Variants in GC observed in about 807,000 individuals in gnomAD.
The protein encoded by GC is GC vitamin D binding protein, also known as vitamin D-binding protein.
GC carries 43 observed loss-of-function variants against 56.7 expected under a neutral mutation model. The ratio of observed to expected loss-of-function variants is 0.76; its 90% CI spans 0.59 to 0.98. The LOEUF (loss-of-function observed/expected upper bound fraction) is 0.98. Among genes scored for constraint, GC ranks in the 50% least tolerant of loss-of-function variants. GC has a pLI of 0.00. For missense variants in GC, 529 were observed against 545.9 expected (o/e 0.97, Z 0.31); for synonymous variants, 216 against 202.7 (o/e 1.07, Z -0.56).
At chr4:71,743,484 G>A (rs753864874) in intron 12 of GC, among the ~76,000 whole-genome samples, 19 of 152,118 alleles carry the variant, frequency 1.2e-4, no homozygotes, top group African/African-American at 4.1e-4. Flanking sequence ...AAATCATTAC[G>A]TTAAGACCTG....
intron 6 of GC, among the ~76,000 whole-genome samples, chr4:71,762,104 A>T (rs1741999311): frequency 6.6e-6 from 1 of 152,192 alleles, no homozygotes; most frequent in Non-Finnish European, 1.5e-5. Flanking sequence ...GCTCAATGAC[A>T]GCCTTTGAAA....
chr4:71,760,005 A>G (rs1030995169), intron 6 of GC, among the ~76,000 whole-genome samples: 1 of 152,016 alleles, frequency 6.6e-6, no homozygotes, highest in Non-Finnish European at 1.5e-5. Context: ...TGAGTATTCA[A>G]GTAGTTCTGA....
intron 2 of GC, among the ~76,000 whole-genome samples, chr4:71,769,064 T>C (rs751864322): frequency 2.6e-5 from 4 of 152,212 alleles, no homozygotes; most frequent in Non-Finnish European, 4.4e-5. Flanking sequence ...TTAATGACCT[T>C]AGAAAGCTAT....
intron 5 of GC, 62 bp downstream of exon 5, chr4:71,763,742 T>C: frequency 7.2e-7 from 1 of 1,390,336 alleles, no homozygotes; most frequent in Non-Finnish European, 9.9e-7. Context: ...TCTACCATTA[T>C]CTAAAAGGAA....
At chr4:71,801,493 C>T (rs1288365789) in intron 1 of GC, among the ~76,000 whole-genome samples, 1 of 152,072 alleles carries the variant, frequency 6.6e-6, no homozygotes, top group Non-Finnish European at 1.5e-5. Context: ...GAGGTCAGGA[C>T]ATTTTTGACA....
At chr4:71,766,013 G>A (rs1474910717) in intron 3 of GC, among the ~76,000 whole-genome samples, 4 of 152,292 alleles carry the variant, frequency 2.6e-5, no homozygotes, top group South Asian at 2.1e-4. Flanking sequence ...AGATGATTCT[G>A]TCATTATCTC....
At chr4:71,801,019 G>A (rs535875254) in intron 1 of GC, among the ~76,000 whole-genome samples, 2 of 152,080 alleles carry the variant, frequency 1.3e-5, no homozygotes, top group Non-Finnish European at 2.9e-5. Context: ...ATGCTTCATA[G>A]GATACTATCA....
Position 71,765,572 on chromosome 4 carries a change from G to A in GC, c.333C>T (p.Cys111=). The A allele has an allele frequency of 6.2e-7, 1 of 1,613,506 alleles. No individual in the cohort carries two copies. Among genetic ancestry groups the A allele is most frequent in the Non-Finnish European group, 8.5e-7 (1 of 1,179,556 alleles). The change falls in exon 4 of 13, where the codon TGC becomes TGT. Residue 111 remains cysteine (C), a synonymous_variant. Transcript: ENST00000273951. ...PFPVHPGTAE[C]CTKEGLERKL... ...TTCGTTCCAGGCCCTCTTTGGTGCA[G>A]CACTCAGCAGTGCCTGGGTGAACGG...
At chr4:71,784,087 A>G, upstream of GC, 2 of 1,548,270 alleles carry the variant, frequency 1.3e-6, no homozygotes, top group South Asian at 2.5e-5. Context: ...GGTAGCCAAA[A>G]GTAATTGGTT....
chr4:71,785,978 GAC>G (rs1282794560), upstream of GC: 1 of 151,728 alleles, frequency 6.6e-6, no homozygotes, highest in African/African-American at 2.4e-5. Flanking sequence ...CATTCAAAAA[GAC>G]ACACTCAGAT....
rs757717977 is a variant in GC at position 71,755,057 on chromosome 4, C to T, written c.1085G>A (p.Ser362Asn). 6.3e-7 allele frequency: 1 copy of T among 1,593,688 alleles called. No homozygotes were observed. Among genetic ancestry groups the T allele is most frequent in the South Asian group, 1.1e-5 (1 of 89,212 alleles). Residue 362 changes from serine to asparagine, a missense_variant, in exon 9 of 13, where the codon AGT becomes AAT. Physicochemically the swap from Ser to Asn is conservative, Grantham distance 46. Transcript: ENST00000273951. ...RRTHLPEVFLSKVLEPTLKSL... is the reference protein window; with the variant it reads ...RRTHLPEVFLNKVLEPTLKSL... ...TTTTAGGGTTGGCTCAAGTACCTTA[C>T]TGAGGAATACTTCCGGAAGATGAGT...
Position 71,783,999 on chromosome 4 carries a change from A to G in GC, c.20T>C (p.Leu7Pro). The G allele has an allele frequency of 6.2e-7, 1 of 1,603,482 alleles. No homozygotes were observed. Among genetic ancestry groups the G allele is most frequent in the Non-Finnish European group, 8.5e-7 (1 of 1,173,818 alleles). Residue 7 changes from leucine (L) to proline (P), a missense_variant, in exon 1 of 13, where the codon CTA becomes CCA. Transcript: ENST00000273951. MKRVLV[L>P]LLAVAFGHAL... ...ATGTCCAAATGCCACAGCAAGCAGTAGTACCAGGACCCTCTTCATTTTTCT... is the reference window on the plus strand; with the variant it reads ...ATGTCCAAATGCCACAGCAAGCAGTGGTACCAGGACCCTCTTCATTTTTCT...
chr4:71,779,823 G>A (rs969120921), intron 1 of GC, among the ~76,000 whole-genome samples: 1 of 151,774 alleles, frequency 6.6e-6, no homozygotes, highest in Non-Finnish European at 1.5e-5. Flanking sequence ...TCAGTGATGA[G>A]AGCTGTATGA....
intron 1 of GC, among the ~76,000 whole-genome samples, chr4:71,800,859 A>G (rs982611860): frequency 1.3e-5 from 2 of 152,182 alleles, no homozygotes; most frequent in Admixed American, 6.5e-5. Context: ...TTTCACTATT[A>G]CATTTTTAGA....
intron 1 of GC, among the ~76,000 whole-genome samples, chr4:71,775,959 C>T (rs1434128878): frequency 2.0e-5 from 3 of 151,876 alleles, no homozygotes; most frequent in East Asian, 3.9e-4. Context: ...TGAGATATCA[C>T]CTCACACCTG....
At chr4:71,774,061 C>T (rs1347686826) in intron 1 of GC, among the ~76,000 whole-genome samples, 2 of 151,910 alleles carry the variant, frequency 1.3e-5, no homozygotes. Flanking sequence ...TAAGAGATTT[C>T]TGTATCACTA....
At chr4:71,766,580 A>G (rs1402044386) in intron 3 of GC, among the ~76,000 whole-genome samples, 2 of 152,178 alleles carry the variant, frequency 1.3e-5, no homozygotes, top group Non-Finnish European at 2.9e-5. Context: ...CTTATACTTA[A>G]TTTATAAGTT....
intron 7 of GC, among the ~76,000 whole-genome samples, chr4:71,757,635 C>G (rs1324813332): frequency 1.3e-5 from 2 of 152,048 alleles, no homozygotes; most frequent in Non-Finnish European, 2.9e-5. Context: ...TATCCAATAC[C>G]ATTGTGCATT....
intron 1 of GC, among the ~76,000 whole-genome samples, chr4:71,800,710 T>C (rs1051776003): frequency 3.3e-5 from 5 of 152,160 alleles, no homozygotes; most frequent in African/African-American, 9.7e-5. Flanking sequence ...AGTGTAAAAG[T>C]GTTCCTATTT....
Sources: gnomAD v4.1 joint callset for allele counts (sites outside exome capture counted in the v4.1 genomes callset) on GRCh38, gnomAD v4.1.1 for gene constraint, MANE v1.5 for transcripts, NCBI Gene and HGNC (gene_info 2026-07-23, HGNC 2026-07-21) for gene names.